The following CDH4 variants were observed in gnomAD, a reference collection of about 807,000 sequenced individuals.
CDH4 encodes cadherin 4, also known as cadherin-4.
Under a neutral mutation model 86.0 loss-of-function variants are expected in CDH4, and 33 were observed. The observed-to-expected ratio is 0.38, with a 90% confidence interval of 0.29 to 0.51. The LOEUF is 0.51. CDH4 is among the 20% of genes least tolerant of loss of function. The probability of loss-of-function intolerance (pLI) is 0.86; values close to 1 mark genes in which losing one functional copy is unlikely to be tolerated. For synonymous variants in CDH4, 555 were observed against 549.4 expected, an observed-to-expected ratio of 1.01 and a Z score of -0.14; for missense variants, 1,114 against 1,307.4, an observed-to-expected ratio of 0.85 and a Z score of 2.28.
chr20:61,790,770 A>C (rs1979140716), intron 4 of CDH4, among the ~76,000 whole-genome samples: 2 of 144,258 alleles, frequency 1.4e-5, no homozygotes, highest in Admixed American at 1.4e-4. Flanking sequence ...CCATCTATCC[A>C]TTCATCTCTC....
At chr20:61,793,249 G>A (rs1352655824) in intron 4 of CDH4, among the ~76,000 whole-genome samples, 1 of 152,166 alleles carries the variant, frequency 6.6e-6, no homozygotes, top group Non-Finnish European at 1.5e-5. Context: ...ACAAGCGTGA[G>A]CCACTGTGCC....
At chr20:61,717,034 C>T (rs1041177556) in intron 2 of CDH4, among the ~76,000 whole-genome samples, 2 of 152,240 alleles carry the variant, frequency 1.3e-5, no homozygotes, top group African/African-American at 4.8e-5. Flanking sequence ...CTCGTCATGG[C>T]CCACTGGCTG....
intron 2 of CDH4, among the ~76,000 whole-genome samples, chr20:61,424,319 A>C (rs2085199002): frequency 6.6e-6 from 1 of 150,968 alleles, no homozygotes; most frequent in Non-Finnish European, 1.5e-5. Flanking sequence ...ACACACATCC[A>C]CATACAACAC....
chr20:61,565,103 CTTGGTGGT>C (rs2086258798), intron 2 of CDH4, among the ~76,000 whole-genome samples: 1 of 39,128 alleles, frequency 2.6e-5, no homozygotes, highest in Non-Finnish European at 5.4e-5. Flanking sequence ...TGGTGGTGCT[CTTGGTGGT>C]GCTGGTGCTC....
At chr20:61,595,376 T>C (rs1353105260) in intron 2 of CDH4, among the ~76,000 whole-genome samples, 2 of 152,134 alleles carry the variant, frequency 1.3e-5, no homozygotes, top group Admixed American at 6.5e-5. Context: ...TTGCATGGAG[T>C]GTGCCCGTCA....
chr20:61,779,439 C>T (rs1037583914), intron 4 of CDH4, among the ~76,000 whole-genome samples: 7 of 152,144 alleles, frequency 4.6e-5, no homozygotes, highest in Non-Finnish European at 8.8e-5. Context: ...TTAGGTCGCT[C>T]GGAGGAGACA....
intron 2 of CDH4, among the ~76,000 whole-genome samples, chr20:61,408,859 C>T (rs905832073): frequency 2.0e-5 from 3 of 152,202 alleles, no homozygotes; most frequent in Admixed American, 2.0e-4. Flanking sequence ...ACCCCAGGCC[C>T]TCAGTGGTCT....
chr20:61,916,208 G>C (rs535818433), intron 9 of CDH4, among the ~76,000 whole-genome samples: 1 of 152,030 alleles, frequency 6.6e-6, no homozygotes, highest in East Asian at 1.9e-4. Flanking sequence ...GGGGAGTGGC[G>C]GGTGGTGTGG....
intron 2 of CDH4, among the ~76,000 whole-genome samples, chr20:61,425,952 A>C (rs2085213087): frequency 6.6e-6 from 1 of 152,288 alleles, no homozygotes; most frequent in Non-Finnish European, 1.5e-5. Flanking sequence ...TCCTCAGATC[A>C]TCTGAAAACT....
chr20:61,910,649 G>T, intron 9 of CDH4, 42 bp downstream of exon 9: 1 of 1,554,356 alleles, frequency 6.4e-7, no homozygotes, highest in Non-Finnish European at 8.9e-7. Flanking sequence ...CCCAAGTTCT[G>T]CCACCTGCAC....
intron 2 of CDH4, among the ~76,000 whole-genome samples, chr20:61,325,793 A>C (rs2123250987): frequency 6.6e-6 from 1 of 152,294 alleles, no homozygotes; most frequent in South Asian, 2.1e-4. Flanking sequence ...TCAGCTTTGG[A>C]GGGCTGCCTC....
intron 2 of CDH4, among the ~76,000 whole-genome samples, chr20:61,335,291 ATTATAT>A (rs1274762383): frequency 9.2e-5 from 14 of 152,254 alleles, no homozygotes; most frequent in Non-Finnish European, 1.5e-5. Context: ...ATCGAAGGTC[ATTATAT>A]TCATGTTGTT....
chr20:61,586,689 G>A (rs2086478562), intron 2 of CDH4, among the ~76,000 whole-genome samples: 1 of 152,226 alleles, frequency 6.6e-6, no homozygotes, highest in Non-Finnish European at 1.5e-5. Context: ...TGCTCAGCCA[G>A]TGAGTGGCAG....
intron 2 of CDH4, among the ~76,000 whole-genome samples, chr20:61,512,393 C>T (rs1364922339): frequency 6.6e-6 from 1 of 152,172 alleles, no homozygotes; most frequent in Non-Finnish European, 1.5e-5. Flanking sequence ...TTTCAATCGA[C>T]CATACCTCTT....
intron 7 of CDH4, among the ~76,000 whole-genome samples, chr20:61,887,117 C>T (rs1254641305): frequency 6.6e-6 from 1 of 151,908 alleles, no homozygotes; most frequent in Non-Finnish European, 1.5e-5. Context: ...CACCCTCTCA[C>T]CCCAGAGAAC....
At chr20:61,284,143 A>C (rs1008255928) in intron 2 of CDH4, among the ~76,000 whole-genome samples, 3 of 113,138 alleles carry the variant, frequency 2.7e-5, no homozygotes, top group Admixed American at 1.0e-4. Context: ...ATCTCTACTA[A>C]AAATACAAAA....
intron 2 of CDH4, among the ~76,000 whole-genome samples, chr20:61,445,403 G>A (rs995345721): frequency 2.6e-5 from 4 of 152,238 alleles, no homozygotes; most frequent in Non-Finnish European, 5.9e-5. Context: ...TTCAAAGTGA[G>A]TGGCCATAGC....
intron 7 of CDH4, among the ~76,000 whole-genome samples, chr20:61,889,482 GAGTGA>G (rs1984698814): frequency 2.8e-4 from 3 of 10,846 alleles, no homozygotes; most frequent in Admixed American, 3.1e-3. Context: ...GATGATGGAT[GAGTGA>G]GTGGATGATG....
intron 2 of CDH4, among the ~76,000 whole-genome samples, chr20:61,542,567 A>G (rs1031518382): frequency 1.3e-5 from 2 of 152,214 alleles, no homozygotes; most frequent in Non-Finnish European, 2.9e-5. Flanking sequence ...CAAACTTTTT[A>G]ATGAACAAAT....
Sources: allele counts gnomAD v4.1 joint callset (sites outside exome capture counted in the v4.1 genomes callset), GRCh38; gene constraint gnomAD v4.1.1; transcripts MANE v1.5; gene names NCBI Gene and HGNC (gene_info 2026-07-23, HGNC 2026-07-21).